The following CRYBG3 variants were observed in gnomAD, a reference collection of about 807,000 sequenced individuals.
CRYBG3 encodes very large A-kinase anchor protein.
Under a neutral mutation model 244.2 loss-of-function variants are expected in CRYBG3, and 127 were observed. That is an observed-to-expected ratio of 0.52 (90% CI 0.45 to 0.60). CRYBG3 has a LOEUF of 0.60. Among genes scored for constraint, CRYBG3 ranks in the 20% least tolerant of loss-of-function variants. The probability of loss-of-function intolerance (pLI) is 0.00; values close to 1 mark genes in which losing one functional copy is unlikely to be tolerated. For missense variants in CRYBG3, 3,325 were observed against 3,442.5 expected (o/e 0.97, Z 0.85); for synonymous variants, 1,132 against 1,195.8 (o/e 0.95, Z 1.10).
chr3:97,897,604 GTT>G (rs1273560835), intron 12 of CRYBG3, among the ~76,000 whole-genome samples: 6 of 152,014 alleles, frequency 3.9e-5, no homozygotes, highest in African/African-American at 1.4e-4. Flanking sequence ...TATTCTGTTA[GTT>G]TGTTAAAAAC....
At chr3:97,822,805 G>T (rs941273231) in intron 1 of CRYBG3, among the ~76,000 whole-genome samples, 4 of 152,262 alleles carry the variant, frequency 2.6e-5, no homozygotes, top group Non-Finnish European at 4.4e-5. Flanking sequence ...AGCACCACTT[G>T]TGTGGGAGGA....
At chr3:97,826,279 A>G (rs556991965) in intron 1 of CRYBG3, among the ~76,000 whole-genome samples, 1 of 152,316 alleles carries the variant, frequency 6.6e-6, no homozygotes, top group African/African-American at 2.4e-5. Context: ...TTTGCTGTGA[A>G]CATTCCTTGG....
At chr3:97,885,432 G>T (rs2039496699) in intron 7 of CRYBG3, among the ~76,000 whole-genome samples, 1 of 151,962 alleles carries the variant, frequency 6.6e-6, no homozygotes, top group Admixed American at 6.6e-5. Context: ...GTGTCATAGG[G>T]GATAATTACT....
chr3:97,939,216 T>C (rs1235372870), intron 19 of CRYBG3, among the ~76,000 whole-genome samples: 1 of 152,034 alleles, frequency 6.6e-6, no homozygotes, highest in East Asian at 1.9e-4. Context: ...TAGTATGCTA[T>C]TTTCTTTCAC....
chr3:97,912,303 G>C (rs756650038), intron 16 of CRYBG3, 27 bp downstream of exon 16: 1 of 1,193,824 alleles, frequency 8.4e-7, no homozygotes, highest in Admixed American at 2.1e-5. Context: ...AGTGGTTTCT[G>C]CTGTTATTTA....
At position 97,853,406 on chromosome 3, in the gene CRYBG3, TACACACAC is replaced by T. The variant is rs57065921; in HGVS notation, c.216+10170_216+10177del. Among the ~76,000 whole-genome samples, 287 of 147,760 alleles carry T rather than the reference TACACACAC, an allele frequency of 1.9e-3. 1 individual carries two copies. The highest frequency in any genetic ancestry group is 5.8e-3 in the East Asian group (29 of 5,000). On this transcript the variant is annotated intron_variant, in intron 2 of 21. Transcript: ENST00000389622. The stretch of plus-strand genomic sequence containing the variant: ...CACACAGACACACACACACATACAA[TACACACAC>T]ACACACACACACACACACACACACG...
intron 18 of CRYBG3, among the ~76,000 whole-genome samples, chr3:97,936,007 T>C (rs1482700075): frequency 1.3e-5 from 2 of 152,114 alleles, no homozygotes; most frequent in African/African-American, 4.8e-5. Flanking sequence ...ACATTCTCTT[T>C]AGTCATCAAG....
Position 97,873,985 on chromosome 3 carries a change from T to C in CRYBG3, c.2791T>C (p.Ser931Pro), listed in dbSNP as rs2039338036. 6.5e-7 allele frequency: 1 copy of C among 1,534,224 alleles called. No homozygotes were observed. The highest frequency in any genetic ancestry group is 1.4e-5 in the African/African-American group (1 of 72,906). The change falls in exon 4 of 22, where the codon TCT (serine) becomes CCT (proline). Residue 931 changes from serine to proline, a missense_variant. Ser to Pro is a moderately conservative substitution (Grantham distance 74). Around this residue, in one of 4 missense-constraint regions of CRYBG3, gnomAD observed 1,526 missense variants for 1,443.2 expected, o/e 1.06. Transcript: ENST00000389622. ...AGAACCAGAGGTAGATGCCTTAGGC[T>C]CTCCTCCTGCTCTTCTTAAAAGTAA... ...KPEPEVDALG[S>P]PPALLKSNIS...
intron 12 of CRYBG3, among the ~76,000 whole-genome samples, chr3:97,897,901 G>A (rs566916708): frequency 2.0e-5 from 3 of 152,098 alleles, no homozygotes; most frequent in African/African-American, 4.8e-5. Flanking sequence ...TTGACAAAAC[G>A]GAACTTTTAG....
chr3:97,872,275 G>T lies in CRYBG3; in HGVS notation c.1081G>T (p.Asp361Tyr), dbSNP rs1263699080. 4.6e-6 allele frequency: 7 copies of T among 1,535,874 alleles called. No homozygotes were observed. The highest frequency in any genetic ancestry group is 2.0e-5 in the Admixed American group (1 of 50,980). ...TAACTCCAGCTACGATGGAGAATCTGACTCACAGCACCATTTAAGTTGTGA... is the reference window on the plus strand; with the variant it reads ...TAACTCCAGCTACGATGGAGAATCTTACTCACAGCACCATTTAAGTTGTGA... ...VTNSSYDGES[D>Y]SQHHLSCEPV... Residue 361 changes from aspartate (D) to tyrosine (Y), a missense_variant, in exon 4 of 22, where the codon GAC (aspartate) becomes TAC (tyrosine). Coordinates refer to ENST00000389622, the MANE Select transcript of CRYBG3 (RefSeq NM_153605.4).
intron 2 of CRYBG3, among the ~76,000 whole-genome samples, chr3:97,848,168 CTT>C (rs1559717504): frequency 6.6e-6 from 1 of 152,172 alleles, no homozygotes; most frequent in Non-Finnish European, 1.5e-5. Flanking sequence ...GTTTTCAACT[CTT>C]TCTCAGTGAG....
chr3:97,874,224 G>A lies in CRYBG3; in HGVS notation c.3030G>A (p.Leu1010=). 1 of 1,535,002 alleles carries A rather than the reference G, an allele frequency of 6.5e-7. No homozygotes were observed. The highest frequency in any genetic ancestry group is 8.7e-7 in the Non-Finnish European group (1 of 1,146,648). ...TGSMKVNSPF[L]DSDSSLEKNS... ...GCATGAAAGTAAATTCACCTTTTCTGGATTCTGATTCCAGTTTGGAAAAAA... is the reference window on the plus strand; with the variant it reads ...GCATGAAAGTAAATTCACCTTTTCTAGATTCTGATTCCAGTTTGGAAAAAA... Residue 1010 remains leucine (L), a synonymous_variant, in exon 4 of 22, where the codon CTG becomes CTA. Coordinates refer to ENST00000389622, the MANE Select transcript of CRYBG3 (RefSeq NM_153605.4).
intron 1 of CRYBG3, among the ~76,000 whole-genome samples, chr3:97,841,162 T>G (rs1294239354): frequency 2.0e-5 from 3 of 151,586 alleles, no homozygotes; most frequent in African/African-American, 7.3e-5. Flanking sequence ...ACAGAATTTT[T>G]TATGTGTTTA....
At chr3:97,867,497 A>G (rs1004315748) in intron 3 of CRYBG3, among the ~76,000 whole-genome samples, 2 of 152,236 alleles carry the variant, frequency 1.3e-5, no homozygotes, top group Non-Finnish European at 2.9e-5. Flanking sequence ...TATCAAATTT[A>G]TCTAGAATAG....
At chr3:97,829,411 C>A (rs2038624661) in intron 1 of CRYBG3, among the ~76,000 whole-genome samples, 1 of 152,098 alleles carries the variant, frequency 6.6e-6, no homozygotes, top group South Asian at 2.1e-4. Context: ...TGTCACCCAC[C>A]TTGACCTCTC....
intron 7 of CRYBG3, among the ~76,000 whole-genome samples, chr3:97,882,575 A>G (rs1182508541): frequency 6.6e-6 from 1 of 152,170 alleles, no homozygotes; most frequent in East Asian, 1.9e-4. Flanking sequence ...TAAGGACAGA[A>G]TTCTCCTCAC....
chr3:97,847,907 A>T (rs1354502278), intron 2 of CRYBG3, among the ~76,000 whole-genome samples: 1 of 152,228 alleles, frequency 6.6e-6, no homozygotes, highest in Non-Finnish European at 1.5e-5. Flanking sequence ...TTTATGACAC[A>T]TTACCCTTAT....
At chr3:97,825,066 C>G (rs974670440) in intron 1 of CRYBG3, among the ~76,000 whole-genome samples, 1 of 152,116 alleles carries the variant, frequency 6.6e-6, no homozygotes. Context: ...GCATTCCAGA[C>G]TGAGCAAAGG....
rs572190003 is a variant in CRYBG3 at position 97,876,884 on chromosome 3, A to T, written c.5690A>T (p.Gln1897Leu). ...CCTGCATTTGAAAGTAAAACACCACAAGAGTATGCTGAAGGGAGTGTTGAA... is the reference window on the plus strand; with the variant it reads ...CCTGCATTTGAAAGTAAAACACCACTAGAGTATGCTGAAGGGAGTGTTGAA... ...MLPAFESKTP[Q>L]EYAEGSVEET... The change falls in exon 4 of 22, where the codon CAA becomes CTA. Residue 1897 changes from glutamine to leucine, a missense_variant. Around this residue, in one of 4 missense-constraint regions of CRYBG3, gnomAD observed 635 missense variants for 771.7 expected, o/e 0.82. Coordinates refer to ENST00000389622, the MANE Select transcript of CRYBG3 (RefSeq NM_153605.4). The T allele has an allele frequency of 1.8e-5, 25 of 1,416,828 alleles. No homozygotes were observed. In the Admixed American group the frequency reaches 4.5e-4, roughly 25 times the overall value. The allele number at this position is 1,416,828 out of a possible 1,614,324, so 87.8% of individuals were successfully genotyped here. A position where few individuals can be genotyped will look rare whatever the true frequency, so the allele number is the denominator to read the frequency against.
Sources: gnomAD v4.1 joint callset for allele counts (sites outside exome capture counted in the v4.1 genomes callset) on GRCh38, gnomAD v4.1.1 for gene constraint, gnomAD v4.1.1 regional missense constraint, MANE v1.5 for transcripts, NCBI Gene and HGNC (gene_info 2026-07-23, HGNC 2026-07-21) for gene names.